Variants in FAM81A observed in about 807,000 individuals in gnomAD.
FAM81A encodes family with sequence similarity 81 member A.
FAM81A carries 19 observed loss-of-function variants against 46.7 expected under a neutral mutation model. The ratio of observed to expected loss-of-function variants is 0.41; its 90% CI spans 0.28 to 0.60. The LOEUF (loss-of-function observed/expected upper bound fraction) is 0.60, where lower values mean the gene tolerates loss of function less well. Ranked by LOEUF, FAM81A falls within the 20% of genes least tolerant of loss-of-function variation. The pLI, the probability that FAM81A is intolerant of heterozygous loss-of-function variation, is 0.34. For synonymous variants in FAM81A, 183 were observed against 152.9 expected (o/e 1.20, Z -1.45); for missense variants, 377 against 453.5 (o/e 0.83, Z 1.53).
intron 3 of FAM81A, among the ~76,000 whole-genome samples, chr15:59,475,969 C>A (rs980600903): frequency 1.3e-5 from 2 of 152,116 alleles, no homozygotes; most frequent in Admixed American, 6.6e-5. Flanking sequence ...ACAGAAATTT[C>A]TTTTTCATGA....
intron 3 of FAM81A, among the ~76,000 whole-genome samples, chr15:59,469,098 T>C (rs1306795860): frequency 6.6e-6 from 1 of 152,228 alleles, no homozygotes; most frequent in Non-Finnish European, 1.5e-5. Flanking sequence ...TTTCTGTTCT[T>C]TTACATTTTC....
chr15:59,470,007 C>A (rs1173536973), intron 3 of FAM81A, among the ~76,000 whole-genome samples: 2 of 152,100 alleles, frequency 1.3e-5, no homozygotes, highest in African/African-American at 4.8e-5. Context: ...GGAAAAAATT[C>A]TTTTCTTTAA....
chr15:59,431,291 G>A (rs550397022), intron 2 of FAM81A, among the ~76,000 whole-genome samples: 10 of 151,902 alleles, frequency 6.6e-5, no homozygotes, highest in African/African-American at 2.4e-4. Flanking sequence ...CTGGAGTGCA[G>A]TGGCGCAATC....
At chr15:59,461,773 G>T (rs1232819745) in intron 3 of FAM81A, among the ~76,000 whole-genome samples, 1 of 152,160 alleles carries the variant, frequency 6.6e-6, no homozygotes, top group African/African-American at 2.4e-5. Context: ...TTTGTTTCCA[G>T]TTCTTAGCTT....
rs1236408522 is a variant in FAM81A at position 59,415,068 on chromosome 15, G to A, written c.-78+12710G>A. Among the ~76,000 whole-genome samples the A allele has an allele frequency of 4.6e-5, 7 of 151,126 alleles. No individual in the cohort carries two copies. In the South Asian group the frequency reaches 6.3e-4, roughly 14 times the overall value. On this transcript the variant is annotated intron_variant, in intron 2 of 4. Transcript: ENST00000558348. ...CCTGACCTCACGATCTGCCTGCCTC[G>A]GCCTCCCAAAGTGCTGGGATTACAG...
intron 2 of FAM81A, among the ~76,000 whole-genome samples, chr15:59,412,757 C>T (rs184690737): frequency 2.2e-4 from 34 of 151,576 alleles, no homozygotes; most frequent in African/African-American, 8.2e-4. Context: ...GTGGGTCCCT[C>T]CCTGGACTGT....
chr15:59,435,212 G>A (rs995077903), upstream of FAM81A, among the ~76,000 whole-genome samples: 3 of 150,832 alleles, frequency 2.0e-5, no homozygotes, highest in East Asian at 2.0e-4. Flanking sequence ...GCTTGAACCC[G>A]GGAGGCAGAG....
intron 2 of FAM81A, among the ~76,000 whole-genome samples, chr15:59,410,736 T>G (rs1017725569): frequency 6.6e-5 from 10 of 152,340 alleles, no homozygotes; most frequent in African/African-American, 2.4e-4. Context: ...GCAACAGATG[T>G]TTCTTTACTT....
chr15:59,463,625 T>C (rs1459585866), intron 3 of FAM81A, among the ~76,000 whole-genome samples: 2 of 151,984 alleles, frequency 1.3e-5, no homozygotes, highest in Non-Finnish European at 2.9e-5. Flanking sequence ...GGAGAATCAC[T>C]TGAACACAGG....
At chr15:59,432,396 T>C (rs1005453252) in intron 2 of FAM81A, among the ~76,000 whole-genome samples, 5 of 152,268 alleles carry the variant, frequency 3.3e-5, no homozygotes, top group African/African-American at 1.2e-4. Context: ...ATTCACATTC[T>C]TTGATATGTG....
intron 3 of FAM81A, among the ~76,000 whole-genome samples, chr15:59,472,375 C>G (rs549490370): frequency 6.6e-6 from 1 of 151,912 alleles, no homozygotes; most frequent in South Asian, 2.1e-4. Context: ...CAAAACATAA[C>G]GAAAACCTGA....
intron 2 of FAM81A, among the ~76,000 whole-genome samples, chr15:59,423,937 C>A (rs544844921): frequency 6.6e-6 from 1 of 152,168 alleles, no homozygotes; most frequent in Admixed American, 6.5e-5. Flanking sequence ...CTTATCTTGA[C>A]CCCACATCAT....
chr15:59,479,450 G>T (rs1390334153), intron 3 of FAM81A, among the ~76,000 whole-genome samples: 1 of 145,794 alleles, frequency 6.9e-6, no homozygotes, highest in African/African-American at 2.5e-5. Flanking sequence ...GGCGGAGGTT[G>T]CAGTGAGCTG....
chr15:59,476,767 C>G (rs895636936), intron 3 of FAM81A, among the ~76,000 whole-genome samples: 1 of 148,180 alleles, frequency 6.7e-6, no homozygotes, highest in Non-Finnish European at 1.5e-5. Context: ...TCCAGCCTGG[C>G]TGACAGAGCA....
At chr15:59,489,786 C>T (rs1219277257) in intron 3 of FAM81A, among the ~76,000 whole-genome samples, 1 of 152,116 alleles carries the variant, frequency 6.6e-6, no homozygotes, top group Non-Finnish European at 1.5e-5. Context: ...GAAAAAGGAG[C>T]CATGATCATG....
At chr15:59,405,303 A>T (rs535215940) in intron 2 of FAM81A, among the ~76,000 whole-genome samples, 1 of 152,206 alleles carries the variant, frequency 6.6e-6, no homozygotes, top group East Asian at 1.9e-4. Context: ...ACAGAGTGGG[A>T]GGGGTTTGGG....
At chr15:59,491,473 A>T (rs2081980871) in intron 3 of FAM81A, among the ~76,000 whole-genome samples, 1 of 152,202 alleles carries the variant, frequency 6.6e-6, no homozygotes, top group Non-Finnish European at 1.5e-5. Flanking sequence ...GCATTAAAAA[A>T]TAGTTAGAAT....
rs567023643 is a variant in FAM81A, at chr15:59,454,687, G to A, written c.-77-3863G>A. Among the ~76,000 whole-genome samples, 8 of 152,158 alleles carry A rather than the reference G, an allele frequency of 5.3e-5. No homozygotes were observed. The East Asian group carries it at 1.3e-3, about 26-fold the overall frequency. On this transcript the variant is annotated intron_variant, in intron 1 of 8. Coordinates refer to ENST00000288228, the MANE Select transcript of FAM81A (RefSeq NM_152450.3). The stretch of plus-strand genomic sequence containing the variant: ...GTCACCCAGGCTAGAGTGCAGTGGT[G>A]CAGTCATGGCTCACTGCAGCCTTGA...
chr15:59,477,020 T>C (rs1321634363), intron 3 of FAM81A, among the ~76,000 whole-genome samples: 25 of 151,298 alleles, frequency 1.7e-4, no homozygotes, highest in African/African-American at 4.6e-4. Context: ...CTTGGGAGGC[T>C]GAGGCAGGAG....
Sources: gnomAD v4.1 joint callset for allele counts (sites outside exome capture counted in the v4.1 genomes callset) on GRCh38, gnomAD v4.1.1 for gene constraint, MANE v1.5 for transcripts, NCBI Gene and HGNC (gene_info 2026-07-23, HGNC 2026-07-21) for gene names.